Variants in KIR3DL3 observed in about 807,000 individuals in gnomAD.
KIR3DL3 encodes the protein killer cell immunoglobulin-like receptor 3DL3.
In KIR3DL3, 27 loss-of-function variants were observed where a neutral mutation model predicts 34.9. The observed-to-expected ratio is 0.77, with a 90% CI of 0.57 to 1.07. KIR3DL3 has a LOEUF of 1.07. KIR3DL3 is among the 50% of genes least tolerant of loss of function. The pLI is 0.00. For missense variants in KIR3DL3, 681 were observed against 528.5 expected, an observed-to-expected ratio of 1.29 and a Z score of -2.83; for synonymous variants, 217 against 200.2, an observed-to-expected ratio of 1.08 and a Z score of -0.71.
At chr19:54,724,564 C>A in intron 1 of KIR3DL3, 34 bp downstream of exon 1, 2 of 1,605,062 alleles carry the variant, frequency 1.2e-6, no homozygotes, top group Non-Finnish European at 1.7e-6. Context: ...GGAGGGAGCG[C>A]TGGGGTGGAG....
chr19:54,725,419 A>C (rs1351977973), intron 2 of KIR3DL3, 137 bp downstream of exon 2: 2 of 736,570 alleles, frequency 2.7e-6, no homozygotes, highest in East Asian at 5.3e-5. Flanking sequence ...ATGAACTAGG[A>C]AAAGGAAGCC....
rs1402869910 is a variant in KIR3DL3, at chr19:54,727,784, C to T, written c.529C>T (p.Gln177Ter). 6.2e-7 allele frequency: 1 copy of T among 1,613,722 alleles called. No homozygotes were observed. The highest frequency in any genetic ancestry group is 2.2e-5 in the East Asian group (1 of 44,720). The stretch of plus-strand genomic sequence containing the variant: ...TGGACAGCTCCACGATGCGGGTTCC[C>T]AGGTCAACTATTCCATGGGTCCCAT... ...LVGQLHDAGS[Q>*]VNYSMGPMTP... The change falls in exon 4 of 8, where the codon CAG becomes TAG. Residue 177 changes from glutamine to a stop codon, truncating the protein, a stop_gained. Coordinates refer to ENST00000291860, the MANE Select transcript of KIR3DL3 (RefSeq NM_153443.5). LOFTEE classifies it high-confidence loss of function.
rs1388224631 is a variant in KIR3DL3, at chr19:54,727,709, C to T, written c.454C>T (p.Arg152Cys). The change falls in exon 4 of 8, where the codon CGC becomes TGC. Residue 152 changes from arginine (R) to cysteine (C), a missense_variant. Coordinates refer to ENST00000291860, the MANE Select transcript of KIR3DL3 (RefSeq NM_153443.5). ...LQCWSDVRFE[R>C]FLLHREGITE... ...ATGTTGGTCAGATGTCAGGTTTGAG[C>T]GCTTCCTTCTGCACAGAGAGGGGAT... is the stretch of plus-strand genomic sequence containing the variant. The T allele has an allele frequency of 2.2e-5, 36 of 1,612,868 alleles. No individual in the cohort carries two copies. The highest frequency in any genetic ancestry group is 2.0e-4 in the South Asian group (18 of 91,008).
intron 5 of KIR3DL3, among the ~76,000 whole-genome samples, chr19:54,733,160 T>A (rs2069013511): frequency 1.3e-5 from 2 of 152,190 alleles, no homozygotes; most frequent in Non-Finnish European, 2.9e-5. Flanking sequence ...GATGTGTTTT[T>A]TTTCTACATC....
In KIR3DL3 at chr19:54,736,274, C is replaced by A. The variant is rs1286780422; in HGVS notation, c.*178C>A. On this transcript the variant is annotated 3_prime_UTR_variant, in exon 8 of 8. Coordinates refer to ENST00000291860, the MANE Select transcript of KIR3DL3 (RefSeq NM_153443.5). ...CGTGAGTCTGCATCTTAGGGCATCG[C>A]TCTTCCTCACACCACGAATCTGAAC... 33 of 813,424 alleles carry A rather than the reference C, an allele frequency of 4.1e-5. No individual in the cohort carries two copies. Among genetic ancestry groups the A allele is most frequent in the Non-Finnish European group, 6.5e-5 (32 of 489,840 alleles). The allele number at this position is 813,424 out of a possible 1,614,324, so 50.4% of individuals were successfully genotyped here.
In KIR3DL3 at chr19:54,736,035, A is replaced by G. The variant is rs761465725; in HGVS notation, c.1172A>G (p.Gln391Arg). The G allele has an allele frequency of 1.2e-6, 2 of 1,613,686 alleles. No homozygotes were observed. Among genetic ancestry groups the G allele is most frequent in the Non-Finnish European group, 1.7e-6 (2 of 1,180,024 alleles). The stretch of plus-strand genomic sequence containing the variant: ...CAGTTGAATCACTGCGTTTTCACAC[A>G]GAGAAAAATCACTCGCCCTTCTCAG... The part of the protein sequence containing the change: ...YAQLNHCVFT[Q>R]RKITRPSQRP... Residue 391 changes from glutamine (Q) to arginine (R), a missense_variant, in exon 8 of 8, where the codon CAG (glutamine) becomes CGG (arginine). By Grantham distance (43) the Gln-to-Arg change is conservative. Coordinates refer to ENST00000291860, the MANE Select transcript of KIR3DL3 (RefSeq NM_153443.5).
chr19:54,732,308 T>C (rs2068903015), intron 5 of KIR3DL3, among the ~76,000 whole-genome samples: 1 of 151,636 alleles, frequency 6.6e-6, no homozygotes, highest in Admixed American at 6.6e-5. Flanking sequence ...TGGAGTGCAG[T>C]AGCACAATCT....
chr19:54,731,518 A>G (rs1320156105), intron 5 of KIR3DL3, among the ~76,000 whole-genome samples: 1 of 151,628 alleles, frequency 6.6e-6, no homozygotes. Flanking sequence ...TGCAGTGTGG[A>G]ATCTTTTCCT....
chr19:54,725,688 G>C (rs1731002165), intron 2 of KIR3DL3, among the ~76,000 whole-genome samples: 2 of 152,148 alleles, frequency 1.3e-5, no homozygotes, highest in Admixed American at 1.3e-4. Flanking sequence ...CCTAAGAGGT[G>C]GGGGAACCAC....
At chr19:54,724,852 C>T (rs1398559918) in intron 1 of KIR3DL3, among the ~76,000 whole-genome samples, 2 of 145,552 alleles carry the variant, frequency 1.4e-5, no homozygotes, top group African/African-American at 5.2e-5. Flanking sequence ...AGATATGGGC[C>T]TAGAGTGGAG....
At chr19:54,726,393 T>G in intron 3 of KIR3DL3, 56 bp downstream of exon 3, 3 of 1,576,368 alleles carry the variant, frequency 1.9e-6, no homozygotes, top group Non-Finnish European at 2.6e-6. Flanking sequence ...TCCCAGAGCT[T>G]CTGGTGGGGG....
rs1300394955 is a variant in KIR3DL3 at position 54,736,152 on chromosome 19, C to G, written c.*56C>G. On this transcript the variant is annotated 3_prime_UTR_variant, in exon 8 of 8. Coordinates refer to ENST00000291860, the MANE Select transcript of KIR3DL3 (RefSeq NM_153443.5). The stretch of plus-strand genomic sequence containing the variant: ...CAAAGTTGTCTTCTGTCCACTAGCA[C>G]CACAGTCAGGCCTTGATGGGATCTT... 3.8e-6 allele frequency: 6 copies of G among 1,598,138 alleles called. No individual in the cohort carries two copies. The highest frequency in any genetic ancestry group is 1.4e-5 in the African/African-American group (1 of 71,386).
intron 3 of KIR3DL3, 116 bp downstream of exon 3, chr19:54,726,453 G>A (rs2068198402): frequency 1.5e-6 from 2 of 1,339,302 alleles, no homozygotes; most frequent in Non-Finnish European, 2.0e-6. Flanking sequence ...TGGGGTAAAG[G>A]GGGATTCAGT....
chr19:54,735,756 T>C (rs1371624036), intron 6 of KIR3DL3, 64 bp from the exon 7 acceptor site: 17 of 1,586,892 alleles, frequency 1.1e-5, no homozygotes, highest in Non-Finnish European at 1.4e-5. Flanking sequence ...TGTTGGTATC[T>C]GCTTATGAAA....
chr19:54,730,770 T>G (rs2068708349), intron 5 of KIR3DL3, among the ~76,000 whole-genome samples: 1 of 152,176 alleles, frequency 6.6e-6, no homozygotes, highest in African/African-American at 2.4e-5. Flanking sequence ...GATGTTACTC[T>G]TTCTATGGAT....
chr19:54,727,992 A>G, intron 4 of KIR3DL3, 82 bp downstream of exon 4: 1 of 1,376,032 alleles, frequency 7.3e-7, no homozygotes, highest in East Asian at 2.3e-5. Context: ...GGTGGTCATG[A>G]GGAAGATGAG....
rs2146722349 is a variant in KIR3DL3, at chr19:54,724,457, C to T, written c.-40C>T. 1 of 1,612,496 alleles carries T rather than the reference C, an allele frequency of 6.2e-7. No homozygotes were observed. Among genetic ancestry groups the T allele is most frequent in the East Asian group, 2.2e-5 (1 of 44,870 alleles). On this transcript the variant is annotated 5_prime_UTR_variant, in exon 1 of 8. Coordinates refer to ENST00000291860, the MANE Select transcript of KIR3DL3 (RefSeq NM_153443.5). ...TCACAACATCCTGTGTGCTGCTGAA[C>T]TGAGCTGGGGCGCAGCCGCCTGTCT...
At chr19:54,732,656 T>C in intron 5 of KIR3DL3, among the ~76,000 whole-genome samples, 1 of 152,058 alleles carries the variant, frequency 6.6e-6, no homozygotes, top group East Asian at 1.9e-4. Context: ...ATGGAAAAAA[T>C]GGATTCAACC....
rs1193539419 is a variant in KIR3DL3 at position 54,727,307 on chromosome 19, G to T, written c.356-304G>T. 4.0e-5 allele frequency among the ~76,000 whole-genome samples: 5 copies of T among 123,982 alleles called. No individual in the cohort carries two copies. In the South Asian group the frequency reaches 8.8e-4, roughly 22 times the overall value. 81.3% of individuals were successfully genotyped at this position (123,982 alleles called of 152,430 possible). A position where few individuals can be genotyped will look rare whatever the true frequency, so the allele number is the denominator to read the frequency against. The stretch of plus-strand genomic sequence containing the variant: ...GAGCCTGGACATGCAGCCTGTCATG[G>T]TTCCTCTTCCACCCCCACATAAACA... On this transcript the variant is annotated intron_variant, in intron 3 of 7. Coordinates refer to ENST00000291860, the MANE Select transcript of KIR3DL3 (RefSeq NM_153443.5).
Sources: gnomAD v4.1 joint callset for allele counts (sites outside exome capture counted in the v4.1 genomes callset) on GRCh38, gnomAD v4.1.1 for gene constraint, MANE v1.5 for transcripts, NCBI Gene and HGNC (gene_info 2026-07-23, HGNC 2026-07-21) for gene names.